Variants in AGTPBP1 observed in about 807,000 individuals in gnomAD.
AGTPBP1 encodes the protein ATP/GTP binding carboxypeptidase 1.
A neutral mutation model predicts 143.9 loss-of-function variants in AGTPBP1; 70 were observed. The observed-to-expected ratio is 0.49, with a 90% CI of 0.40 to 0.59. AGTPBP1 has a LOEUF of 0.59. AGTPBP1 is among the 20% of genes least tolerant of loss of function. The probability of loss-of-function intolerance (pLI) is 0.00; values close to 1 mark genes in which losing one functional copy is unlikely to be tolerated. For missense variants in AGTPBP1, 1,229 were observed against 1,464.5 expected (o/e 0.84, Z 2.62); for synonymous variants, 463 against 500.2 (o/e 0.93, Z 0.99).
At chr9:85,683,638 A>G (rs995628543) in intron 3 of AGTPBP1, among the ~76,000 whole-genome samples, 4 of 152,190 alleles carry the variant, frequency 2.6e-5, no homozygotes, top group Non-Finnish European at 5.9e-5. Context: ...AATTCATTCA[A>G]ATACCTAGTT....
In AGTPBP1 at chr9:85,575,377, AT is replaced by A; in HGVS notation, c.3440del (p.Asn1147IlefsTer13). 6.2e-7 allele frequency: 1 copy of A among 1,608,570 alleles called. No individual in the cohort carries two copies. Among genetic ancestry groups the A allele is most frequent in the Non-Finnish European group, 8.5e-7 (1 of 1,178,412 alleles). ...CAAAGTCAAGCAGGCTGGAAGGCAG[AT>A]TATACTCCAATGGAGAGGTCAGTCT... ...LKRLTSPLEY[N>X]LPSSLLDFEN... is the part of the protein sequence containing the mutation. On this transcript the variant is annotated frameshift_variant, in exon 25 of 26. Transcript: ENST00000357081. LOFTEE classifies it high-confidence loss of function.
the AGTPBP1 span, among the ~76,000 whole-genome samples, chr9:85,792,709 CTATTTTTGTTACATAGCAAA>C: frequency 6.6e-6 from 1 of 152,188 alleles, no homozygotes; most frequent in African/African-American, 2.4e-5. Context: ...AGGGAAATTA[CTATTTTTGTTACATAGCAAA>C]TATTTTTGTT....
intron 2 of AGTPBP1, among the ~76,000 whole-genome samples, chr9:85,710,168 C>CT (rs1030456906): frequency 3.3e-5 from 5 of 151,778 alleles, no homozygotes; most frequent in East Asian, 1.9e-4. Flanking sequence ...GAATAGGGCT[C>CT]TTTTTTTTAG....
chr9:85,719,472 G>A (rs1837955476), intron 1 of AGTPBP1, among the ~76,000 whole-genome samples: 1 of 152,182 alleles, frequency 6.6e-6, no homozygotes, highest in African/African-American at 2.4e-5. Context: ...GTCTGTAATT[G>A]GTGTATAGGA....
chr9:85,632,824 A>C lies in AGTPBP1; in HGVS notation c.1853T>G (p.Val618Gly). Residue 618 changes from valine to glycine, a missense_variant, in exon 14 of 26, where the codon GTA (valine) becomes GGA (glycine). Transcript: ENST00000357081. Reference sequence around the variant, plus strand: ...GTCATGGAGTGTTGGTCCATCAGGTACTTCAACCGATGCTTGTTCTACCGA... The same window carrying C: ...GTCATGGAGTGTTGGTCCATCAGGTCCTTCAACCGATGCTTGTTCTACCGA... ...NSSVEQASVE[V>G]PDGPTLHDPD... is the part of the protein sequence containing the mutation. The C allele has an allele frequency of 1.2e-6, 2 of 1,614,168 alleles. No homozygotes were observed. The highest frequency in any genetic ancestry group is 1.7e-6 in the Non-Finnish European group (2 of 1,180,016).
At chr9:85,647,971 C>A (rs1280354581) in intron 11 of AGTPBP1, among the ~76,000 whole-genome samples, 1 of 152,022 alleles carries the variant, frequency 6.6e-6, no homozygotes, top group African/African-American at 2.4e-5. Flanking sequence ...TGGCTTAATT[C>A]AATTTTAAGA....
intron 1 of AGTPBP1, among the ~76,000 whole-genome samples, chr9:85,737,047 AGTG>A: frequency 6.6e-6 from 1 of 152,374 alleles, no homozygotes; most frequent in East Asian, 1.9e-4. Context: ...CGGAGCTTGC[AGTG>A]AGCAGAGATT....
Position 85,739,145 on chromosome 9 carries a change from C to CT in AGTPBP1, c.-34+2629dup, listed in dbSNP as rs753130257. On this transcript the variant is annotated intron_variant, in intron 1 of 25. Transcript: ENST00000357081. ...CCAGGACCCAAACCGAGCCATCTGG[C>CT]TCTGAGGCCCAACTCCTTAGCCACT... 1.1e-4 allele frequency among the ~76,000 whole-genome samples: 17 copies of CT among 152,302 alleles called. No homozygotes were observed. The East Asian group carries it at 2.9e-3, about 26-fold the overall frequency.
the AGTPBP1 span, among the ~76,000 whole-genome samples, chr9:85,783,173 A>G: frequency 6.6e-6 from 1 of 152,254 alleles, no homozygotes; most frequent in African/African-American, 2.4e-5. Flanking sequence ...AACATAGTTA[A>G]TCTTGGAGAG....
intron 17 of AGTPBP1, among the ~76,000 whole-genome samples, chr9:85,603,081 AG>A (rs2133346860): frequency 6.6e-6 from 1 of 152,302 alleles, no homozygotes; most frequent in African/African-American, 2.4e-5. Flanking sequence ...AAGGCAGTCT[AG>A]GTCACAAGAA....
rs747664202 is a variant in AGTPBP1 at position 85,741,813 on chromosome 9, C to G, written c.-72G>C. 77 of 1,382,018 alleles carry G rather than the reference C, an allele frequency of 5.6e-5. No individual in the cohort carries two copies. Among genetic ancestry groups the G allele is most frequent in the Non-Finnish European group, 5.9e-5 (63 of 1,069,740 alleles). The allele number at this position is 1,382,018 out of a possible 1,614,324, so 85.6% of individuals were successfully genotyped here. A position where few individuals can be genotyped will look rare whatever the true frequency, so the allele number is the denominator to read the frequency against. ...GGCGCTGGCGGGGACCGCGCAGAGC[C>G]GCAGCACCCGGCTCAGCACCTGGAT... On this transcript the variant is annotated 5_prime_UTR_variant, in exon 1 of 26. Coordinates refer to ENST00000357081, the MANE Select transcript of AGTPBP1 (RefSeq NM_001330701.2).
Position 85,579,078 on chromosome 9 carries a change from T to C in AGTPBP1, c.3184A>G (p.Ser1062Gly). The change falls in exon 24 of 26, where the codon AGC becomes GGC. Residue 1062 changes from serine to glycine, a missense_variant. Ser to Gly is a moderately conservative substitution (Grantham distance 56). This residue lies in a region of AGTPBP1 where 486 missense variants were observed against 652.3 expected (regional missense o/e 0.75). Coordinates refer to ENST00000357081, the MANE Select transcript of AGTPBP1 (RefSeq NM_001330701.2). The stretch of plus-strand genomic sequence containing the variant: ...ATGCAAAATGCTGGGGCGATATGGC[T>C]CAGTATCTTAGGCAATGTCTGTTAA... Reference protein sequence around the residue: ...TGYRTLPKILSHIAPAFCMSS... With the variant: ...TGYRTLPKILGHIAPAFCMSS... 1.2e-6 allele frequency: 2 copies of C among 1,607,204 alleles called. No individual in the cohort carries two copies. Among genetic ancestry groups the C allele is most frequent in the Non-Finnish European group, 1.7e-6 (2 of 1,178,024 alleles).
chr9:85,764,686 T>G, the AGTPBP1 span: 4,292 of 913,354 alleles, frequency 4.7e-3, 95 homozygotes, highest in African/African-American at 0.055. Context: ...TTTCGGGGTG[T>G]CTGGTGGGTT....
chr9:85,642,777 AT>A, intron 13 of AGTPBP1, 49 bp downstream of exon 13: 1 of 1,421,932 alleles, frequency 7.0e-7, no homozygotes, highest in Non-Finnish European at 9.7e-7. Flanking sequence ...GGGAAAAAAA[AT>A]AACTTTTTAT....
At chr9:85,551,262 T>C (rs1274428363) in intron 25 of AGTPBP1, among the ~76,000 whole-genome samples, 1 of 152,226 alleles carries the variant, frequency 6.6e-6, no homozygotes, top group Non-Finnish European at 1.5e-5. Context: ...AATACCTTTA[T>C]AATGGACAAA....
At chr9:85,801,213 G>A in the AGTPBP1 span, among the ~76,000 whole-genome samples, 4 of 152,118 alleles carry the variant, frequency 2.6e-5, no homozygotes, top group Admixed American at 2.0e-4. Context: ...TCGGGAGGCT[G>A]AGGCAGGAGA....
At chr9:85,754,631 T>C in the AGTPBP1 span, among the ~76,000 whole-genome samples, 2 of 152,132 alleles carry the variant, frequency 1.3e-5, no homozygotes, top group Admixed American at 1.3e-4. Context: ...TTCAAAGAAA[T>C]TGAAATTTTA....
intron 1 of AGTPBP1, among the ~76,000 whole-genome samples, chr9:85,740,660 G>A (rs1328527851): frequency 2.0e-5 from 3 of 152,130 alleles, no homozygotes; most frequent in Non-Finnish European, 2.9e-5. Context: ...GTTCACAAAG[G>A]ATAATTTGAT....
At chr9:85,590,966 T>C (rs1394260166) in intron 19 of AGTPBP1, among the ~76,000 whole-genome samples, 1 of 152,170 alleles carries the variant, frequency 6.6e-6, no homozygotes, top group Non-Finnish European at 1.5e-5. Context: ...ATAACCATTT[T>C]AAAAGTTTTA....
Sources: gnomAD v4.1 joint callset for allele counts (sites outside exome capture counted in the v4.1 genomes callset) on GRCh38, gnomAD v4.1.1 for gene constraint, gnomAD v4.1.1 regional missense constraint, MANE v1.5 for transcripts, NCBI Gene and HGNC (gene_info 2026-07-23, HGNC 2026-07-21) for gene names.